The following COL15A1 variants were observed in gnomAD, a reference collection of about 807,000 sequenced individuals.
The protein encoded by COL15A1 is collagen alpha-1(XV) chain.
In COL15A1, 111 loss-of-function variants were observed where a neutral mutation model predicts 165.9. The observed-to-expected ratio is 0.67, with a 90% CI of 0.57 to 0.78. The LOEUF (loss-of-function observed/expected upper bound fraction) is 0.78. Among genes scored for constraint, COL15A1 ranks in the 30% least tolerant of loss-of-function variants. The pLI is 0.00. For synonymous variants in COL15A1, 659 were observed against 674.8 expected (o/e 0.98, Z 0.36); for missense variants, 1,745 against 1,789.7 (o/e 0.98, Z 0.45).
chr9:99,041,699 G>A (rs1470771857), intron 23 of COL15A1, among the ~76,000 whole-genome samples: 1 of 152,194 alleles, frequency 6.6e-6, no homozygotes, highest in Non-Finnish European at 1.5e-5. Context: ...GTCGTGGAAG[G>A]GGATAGTGGA....
intron 11 of COL15A1, among the ~76,000 whole-genome samples, chr9:99,018,143 G>A (rs974458455): frequency 4.6e-5 from 7 of 152,314 alleles, no homozygotes; most frequent in African/African-American, 1.7e-4. Context: ...ATGAGCAGGG[G>A]TTCCTTCGTA....
chr9:98,961,679 C>T (rs1039137481), intron 2 of COL15A1, among the ~76,000 whole-genome samples: 9 of 152,250 alleles, frequency 5.9e-5, no homozygotes, highest in South Asian at 2.1e-4. Flanking sequence ...TTCCCACCCT[C>T]GGTCAGTCCT....
chr9:99,070,181 A>T lies in COL15A1; in HGVS notation c.*295A>T, dbSNP rs966629916. 9.3e-6 allele frequency: 3 copies of T among 322,292 alleles called. No homozygotes were observed. The highest frequency in any genetic ancestry group is 1.2e-5 in the Non-Finnish European group (2 of 173,848). The allele number at this position is 322,292 out of a possible 1,614,324, so 20.0% of individuals were successfully genotyped here. ...GCAAGTTGAAAACAAAGGCCATGGC[A>T]TTCTGCCACTGCATCCTTCAGACAG... On this transcript the variant is annotated 3_prime_UTR_variant, in exon 42 of 42. Coordinates refer to ENST00000375001, the MANE Select transcript of COL15A1 (RefSeq NM_001855.5).
intron 5 of COL15A1, among the ~76,000 whole-genome samples, chr9:98,995,861 G>A (rs1279643706): frequency 6.6e-6 from 1 of 152,126 alleles, no homozygotes; most frequent in African/African-American, 2.4e-5. Context: ...TCTATTTCCT[G>A]CCTTCAAGTA....
chr9:99,024,442 G>C (rs1333789983), intron 14 of COL15A1, among the ~76,000 whole-genome samples: 1 of 151,796 alleles, frequency 6.6e-6, no homozygotes, highest in South Asian at 2.1e-4. Context: ...CGGCCACCAC[G>C]CCCGGCTAAT....
intron 2 of COL15A1, among the ~76,000 whole-genome samples, chr9:98,974,005 C>T (rs1337659325): frequency 6.6e-6 from 1 of 152,186 alleles, no homozygotes; most frequent in Non-Finnish European, 1.5e-5. Flanking sequence ...TGGCAGAGTC[C>T]ACCTTGCAGG....
At chr9:98,947,072 A>G (rs1837599271) in intron 2 of COL15A1, among the ~76,000 whole-genome samples, 1 of 152,234 alleles carries the variant, frequency 6.6e-6, no homozygotes, top group South Asian at 2.1e-4. Context: ...AGGAAAGCAT[A>G]TGGCCACCCA....
At chr9:98,999,572 G>A (rs1838612915) in intron 6 of COL15A1, among the ~76,000 whole-genome samples, 1 of 150,674 alleles carries the variant, frequency 6.6e-6, no homozygotes, top group Non-Finnish European at 1.5e-5. Flanking sequence ...CACCCAGGCT[G>A]GAGCACAGTG....
intron 2 of COL15A1, among the ~76,000 whole-genome samples, chr9:98,967,941 G>A (rs1191119507): frequency 2.0e-5 from 3 of 152,220 alleles, no homozygotes; most frequent in African/African-American, 7.2e-5. Context: ...TTGTAGGTCT[G>A]GAGTAGGTCT....
chr9:99,056,237 TTA>T, intron 34 of COL15A1, 21 bp from the exon 35 acceptor site: 1 of 1,612,716 alleles, frequency 6.2e-7, no homozygotes. Context: ...TTTCTCTCTG[TTA>T]TTGTGTGCTT....
Position 99,059,917 on chromosome 9 carries a change from T to C in COL15A1, c.3366T>C (p.Pro1122=). 6.2e-7 allele frequency: 1 copy of C among 1,613,930 alleles called. No homozygotes were observed. Among genetic ancestry groups the C allele is most frequent in the African/African-American group, 1.3e-5 (1 of 75,014 alleles). ...TGGCCCTTCCAGGTCCCCCTGGCCC[T>C]CCAGGACAGCCAGGGCTTCCCGGAT... is the stretch of plus-strand genomic sequence containing the variant. ...AAVALPGPPG[P]PGQPGLPGSR... Residue 1122 remains proline, a synonymous_variant, in exon 36 of 42, where the codon CCT becomes CCC. Coordinates refer to ENST00000375001, the MANE Select transcript of COL15A1 (RefSeq NM_001855.5).
chr9:98,991,359 C>T (rs951372368), intron 5 of COL15A1, among the ~76,000 whole-genome samples: 1 of 152,194 alleles, frequency 6.6e-6, no homozygotes, highest in African/African-American at 2.4e-5. Context: ...CTGATTGGTC[C>T]ATTTTGACAG....
intron 24 of COL15A1, among the ~76,000 whole-genome samples, chr9:99,043,152 TC>T (rs1322769553): frequency 6.6e-6 from 1 of 150,732 alleles, no homozygotes; most frequent in Non-Finnish European, 1.5e-5. Flanking sequence ...CGTTCTTCTC[TC>T]CCCCCATCAT....
rs151134132 is a variant in COL15A1, at chr9:99,044,570, C to T, written c.2577C>T (p.Gly859=). The T allele has an allele frequency of 5.0e-5, 80 of 1,613,758 alleles. No homozygotes were observed. Among genetic ancestry groups the T allele is most frequent in the African/African-American group, 1.6e-4 (12 of 74,934 alleles). Residue 859 remains glycine, a splice_region_variant and synonymous_variant, in exon 25 of 42, where the codon GGC becomes GGT. Coordinates refer to ENST00000375001, the MANE Select transcript of COL15A1 (RefSeq NM_001855.5). ...PGFPGLKGEQ[G]EKGEPGAILT... ...TTGAGATGTTCTCTGAATTGCAGGG[C>T]GAGAAGGGAGAGCCGGGTGCCATCC...
At chr9:99,023,046 GC>G (rs1839054115) in intron 13 of COL15A1, among the ~76,000 whole-genome samples, 1 of 152,168 alleles carries the variant, frequency 6.6e-6, no homozygotes, top group Non-Finnish European at 1.5e-5. Flanking sequence ...AGAGAATTCT[GC>G]CTGGAAACGG....
Position 99,070,500 on chromosome 9 carries a change from G to A in COL15A1, c.*614G>A. 3.5e-6 allele frequency: 1 copy of A among 285,902 alleles called. No individual in the cohort carries two copies. Among genetic ancestry groups the A allele is most frequent in the Middle Eastern group, 4.2e-4 (1 of 2,402 alleles). 17.7% of individuals were successfully genotyped at this position (285,902 alleles called of 1,614,324 possible). On this transcript the variant is annotated 3_prime_UTR_variant, in exon 42 of 42. Coordinates refer to ENST00000375001, the MANE Select transcript of COL15A1 (RefSeq NM_001855.5). ...TTACACAATCATATTTTAGTATGGT[G>A]TCTGTTTATGTAACTCTGACTTGCT...
In COL15A1 at chr9:99,015,346, C is replaced by A. The variant is rs1420495961; in HGVS notation, c.1354-71C>A. On this transcript the variant is annotated intron_variant, in intron 9 of 41. Transcript: ENST00000375001. Reference sequence around the variant, plus strand: ...TCTGAGGCTTTAGCGCTTTCCACCCCCCAGCCTCACACCCACTGAACCAGG... The same window carrying A: ...TCTGAGGCTTTAGCGCTTTCCACCCACCAGCCTCACACCCACTGAACCAGG... 10 of 1,048,924 alleles carry A rather than the reference C, an allele frequency of 9.5e-6. No homozygotes were observed. The African/African-American group carries it at 1.6e-4, about 16-fold the overall frequency. 65.0% of individuals were successfully genotyped at this position (1,048,924 alleles called of 1,614,324 possible).
Position 98,966,107 on chromosome 9 carries a change from C to A in COL15A1, c.101-19458C>A, listed in dbSNP as rs1461865601. 2.6e-5 allele frequency among the ~76,000 whole-genome samples: 4 copies of A among 152,264 alleles called. No individual in the cohort carries two copies. In the East Asian group the frequency reaches 7.7e-4, roughly 29 times the overall value. On this transcript the variant is annotated intron_variant, in intron 2 of 41. Transcript: ENST00000375001. ...GTAAGGTCCCCTCCTGACTCTTCTTCTGGGAGGGAAGAGAGAGGACCATTC... is the reference window on the plus strand; with the variant it reads ...GTAAGGTCCCCTCCTGACTCTTCTTATGGGAGGGAAGAGAGAGGACCATTC...
chr9:99,060,675 T>C (rs1162662766), intron 36 of COL15A1, among the ~76,000 whole-genome samples: 1 of 152,082 alleles, frequency 6.6e-6, no homozygotes, highest in Admixed American at 6.5e-5. Context: ...CACTTGAGTC[T>C]AGGAGTTCAA....
Sources: allele counts gnomAD v4.1 joint callset (sites outside exome capture counted in the v4.1 genomes callset), GRCh38; gene constraint gnomAD v4.1.1; transcripts MANE v1.5; gene names NCBI Gene and HGNC (gene_info 2026-07-23, HGNC 2026-07-21).